The following PDLIM1 variants were observed in gnomAD, a reference collection of about 807,000 sequenced individuals.
PDLIM1 encodes the protein PDZ and LIM domain protein 1.
PDLIM1 carries 25 observed loss-of-function variants against 35.2 expected under a neutral mutation model. That is an observed-to-expected ratio of 0.71 (90% CI 0.52 to 0.99). PDLIM1 has a LOEUF of 0.99. PDLIM1 is among the 50% of genes least tolerant of loss of function. PDLIM1 has a pLI of 0.00. For synonymous variants in PDLIM1, 152 were observed against 154.0 expected (o/e 0.99, Z 0.10); for missense variants, 363 against 415.3 (o/e 0.87, Z 1.09).
At chr10:95,246,513 T>C (rs767341204) in intron 5 of PDLIM1, among the ~76,000 whole-genome samples, 5 of 152,162 alleles carry the variant, frequency 3.3e-5, no homozygotes, top group Non-Finnish European at 4.4e-5. Context: ...AGCCTCTTCA[T>C]GACATTTCAA....
chr10:95,269,826 C>T (rs1227958705), intron 2 of PDLIM1, among the ~76,000 whole-genome samples: 6 of 152,106 alleles, frequency 3.9e-5, no homozygotes, highest in African/African-American at 1.4e-4. Flanking sequence ...ACCTCCGCTT[C>T]CCAGGCTCAA....
At chr10:95,256,202 C>T (rs534811601) in intron 4 of PDLIM1, among the ~76,000 whole-genome samples, 1 of 152,042 alleles carries the variant, frequency 6.6e-6, no homozygotes, top group East Asian at 1.9e-4. Flanking sequence ...AAAGAATGCA[C>T]AAATAAACAA....
At chr10:95,270,263 G>A (rs1482931997) in intron 2 of PDLIM1, among the ~76,000 whole-genome samples, 1 of 151,440 alleles carries the variant, frequency 6.6e-6, no homozygotes, top group Non-Finnish European at 1.5e-5. Flanking sequence ...CATGGGGTAG[G>A]TCTCTGAAGT....
intron 5 of PDLIM1, among the ~76,000 whole-genome samples, chr10:95,241,917 T>C (rs536518745): frequency 5.7e-4 from 86 of 152,084 alleles, no homozygotes; most frequent in Non-Finnish European, 9.6e-4. Flanking sequence ...ATATGAGAGA[T>C]GGTTTGGGGT....
Position 95,281,480 on chromosome 10 carries a change from G to A in PDLIM1, c.96+9340C>T, listed in dbSNP as rs576774387. Among the ~76,000 whole-genome samples the A allele has an allele frequency of 7.0e-4, 106 of 152,254 alleles. 1 individual carries two copies. The highest frequency in any genetic ancestry group is 4.6e-3 in the South Asian group (22 of 4,824). Reference sequence around the variant, plus strand: ...TCAAGGAGACTGAGGTGGAAGGATCGCTTAAACTGGGAGGAAGTGGAGGCT... The same window carrying A: ...TCAAGGAGACTGAGGTGGAAGGATCACTTAAACTGGGAGGAAGTGGAGGCT... On this transcript the variant is annotated intron_variant, in intron 1 of 6. Coordinates refer to ENST00000329399, the MANE Select transcript of PDLIM1 (RefSeq NM_020992.4).
At chr10:95,288,248 A>G (rs1406183451) in intron 1 of PDLIM1, among the ~76,000 whole-genome samples, 1 of 152,238 alleles carries the variant, frequency 6.6e-6, no homozygotes, top group Non-Finnish European at 1.5e-5. Flanking sequence ...TTAGCAGTTT[A>G]GCAAAAGACT....
At chr10:95,287,010 C>T (rs892433224) in intron 1 of PDLIM1, among the ~76,000 whole-genome samples, 2 of 152,204 alleles carry the variant, frequency 1.3e-5, no homozygotes, top group East Asian at 1.9e-4. Context: ...TTCCCTCTTG[C>T]CTCCTCAAAC....
At chr10:95,264,091 A>G in intron 3 of PDLIM1, 28 bp from the exon 4 acceptor site, 1 of 1,598,616 alleles carries the variant, frequency 6.3e-7, no homozygotes, top group Non-Finnish European at 8.6e-7. Context: ...AGGAGAAATC[A>G]AGGGGGGCAT....
chr10:95,250,931 T>C (rs1329172005), intron 4 of PDLIM1, among the ~76,000 whole-genome samples: 1 of 152,186 alleles, frequency 6.6e-6, no homozygotes, highest in African/African-American at 2.4e-5. Context: ...GCCACTCCCA[T>C]CCCTGCCAAA....
intron 1 of PDLIM1, chr10:95,272,950 C>T (rs1246028148): frequency 2.0e-5 from 3 of 152,142 alleles, no homozygotes. Flanking sequence ...TATCACATCT[C>T]CTACACTGAT....
chr10:95,241,066 C>A (rs772658368), intron 5 of PDLIM1, among the ~76,000 whole-genome samples: 15 of 138,240 alleles, frequency 1.1e-4, no homozygotes, highest in Non-Finnish European at 2.4e-4. Flanking sequence ...GAAACAGCTT[C>A]CTGTGCCAGG....
intron 2 of PDLIM1, among the ~76,000 whole-genome samples, chr10:95,269,195 G>C (rs775013147): frequency 3.6e-4 from 55 of 152,184 alleles, no homozygotes; most frequent in Non-Finnish European, 6.8e-4. Flanking sequence ...GATAGAATGG[G>C]CTTCTCCTCT....
intron 5 of PDLIM1, among the ~76,000 whole-genome samples, chr10:95,241,795 C>T (rs1292792767): frequency 6.6e-6 from 1 of 151,676 alleles, no homozygotes; most frequent in African/African-American, 2.4e-5. Context: ...CTCTCCCTTC[C>T]CTGGGCTTGA....
chr10:95,254,048 C>G (rs2035290251), intron 4 of PDLIM1, among the ~76,000 whole-genome samples: 1 of 151,540 alleles, frequency 6.6e-6, no homozygotes, highest in African/African-American at 2.4e-5. Context: ...GTCAAATAAC[C>G]CACAGGAAAG....
At chr10:95,272,554 T>C (rs995310384) in intron 1 of PDLIM1, among the ~76,000 whole-genome samples, 65 of 152,060 alleles carry the variant, frequency 4.3e-4, no homozygotes, top group African/African-American at 1.5e-3. Context: ...ATCTCAGCTA[T>C]TCAGGAGGCT....
chr10:95,238,593 A>G lies in PDLIM1; in HGVS notation c.778T>C (p.Cys260Arg). The G allele has an allele frequency of 6.2e-7, 1 of 1,612,288 alleles. No individual in the cohort carries two copies. Among genetic ancestry groups the G allele is most frequent in the East Asian group, 2.2e-5 (1 of 44,870 alleles). Residue 260 changes from cysteine (C) to arginine (R), a missense_variant, in exon 6 of 7, where the codon TGT (cysteine) becomes CGT (arginine). Physicochemically the swap from Cys to Arg is radical, Grantham distance 180 (BLOSUM62 -3). Transcript: ENST00000329399. ...SIGNAQKLPM[C>R]DKCGTGIVGV... ...ACAATCCCAGTGCCACATTTGTCAC[A>G]CATAGGCAACTTCTGAGCATTTCCA...
chr10:95,288,724 A>G (rs1004135510), intron 1 of PDLIM1, among the ~76,000 whole-genome samples: 4 of 152,216 alleles, frequency 2.6e-5, no homozygotes, highest in Non-Finnish European at 5.9e-5. Context: ...CCATGTATTA[A>G]TAAGGAGCTG....
intron 5 of PDLIM1, among the ~76,000 whole-genome samples, 167 bp downstream of exon 5, chr10:95,247,046 CCT>C (rs71486754): frequency 2.7e-5 from 4 of 149,298 alleles, no homozygotes; most frequent in Non-Finnish European, 6.0e-5. Context: ...GCACTCTCTT[CCT>C]CTCTCTCTCT....
intron 1 of PDLIM1, among the ~76,000 whole-genome samples, chr10:95,274,296 T>TTA (rs1440351878): frequency 1.3e-5 from 2 of 149,898 alleles, no homozygotes; most frequent in Non-Finnish European, 3.0e-5. Context: ...AGTCATCCTT[T>TTA]TTTTTTTTTT....
Sources: allele counts gnomAD v4.1 joint callset (sites outside exome capture counted in the v4.1 genomes callset), GRCh38; gene constraint gnomAD v4.1.1; transcripts MANE v1.5; gene names NCBI Gene and HGNC (gene_info 2026-07-23, HGNC 2026-07-21).